The following CRPPA variants were observed in gnomAD, a reference collection of about 807,000 sequenced individuals.
CRPPA encodes the protein CDP-L-ribitol pyrophosphorylase A.
A neutral mutation model predicts 52.0 loss-of-function variants in CRPPA; 43 were observed. That is an observed-to-expected ratio of 0.83 (90% CI 0.65 to 1.07). CRPPA has a LOEUF of 1.07. CRPPA is among the 50% of genes least tolerant of loss of function. The pLI, the probability that CRPPA is intolerant of heterozygous loss-of-function variation, is 0.00. For synonymous variants in CRPPA, 250 were observed against 203.5 expected, an observed-to-expected ratio of 1.23 and a Z score of -1.94; for missense variants, 629 against 551.7, an observed-to-expected ratio of 1.14 and a Z score of -1.40.
intron 9 of CRPPA, among the ~76,000 whole-genome samples, chr7:16,153,802 CT>C (rs936303539): frequency 6.0e-5 from 9 of 149,460 alleles, no homozygotes; most frequent in Admixed American, 3.3e-4. Flanking sequence ...AAACTGTTCA[CT>C]TTTTTTTTTC....
intron 6 of CRPPA, among the ~76,000 whole-genome samples, chr7:16,268,302 T>C (rs1784005124): frequency 6.6e-6 from 1 of 152,140 alleles, no homozygotes; most frequent in Admixed American, 6.5e-5. Context: ...TCAGCTATAA[T>C]TTGTATGAAT....
chr7:16,190,302 G>A lies in CRPPA; in HGVS notation c.1251+25764C>T, dbSNP rs1781582160. Among the ~76,000 whole-genome samples, 5 of 152,262 alleles carry A rather than the reference G, an allele frequency of 3.3e-5. No individual in the cohort carries two copies. The South Asian group carries it at 1.0e-3, about 32-fold the overall frequency. ...TTTCAATTGCTAACTTTTAATAGAA[G>A]ACAGTTAACTTAAAAACATTGCTTT... On this transcript the variant is annotated intron_variant, in intron 9 of 9. Transcript: ENST00000407010.
At chr7:16,303,491 A>AAAAAAAAC (rs1784837188) in intron 4 of CRPPA, among the ~76,000 whole-genome samples, 3 of 124,934 alleles carry the variant, frequency 2.4e-5, no homozygotes, top group Admixed American at 9.9e-5. Context: ...AAAAAAAAAA[A>AAAAAAAAC]AAAAAAAAAA....
chr7:16,210,852 A>G (rs891444666), intron 9 of CRPPA, among the ~76,000 whole-genome samples: 1 of 152,190 alleles, frequency 6.6e-6, no homozygotes, highest in Non-Finnish European at 1.5e-5. Context: ...CAGAAAAAAA[A>G]AAAAGGAAAG....
intron 8 of CRPPA, among the ~76,000 whole-genome samples, chr7:16,229,624 T>C (rs76433522): frequency 0.022 from 3,384 of 152,240 alleles, 131 homozygotes; most frequent in African/African-American, 0.076. Flanking sequence ...GTTACTATTT[T>C]TAATAGGTTT....
intron 3 of CRPPA, among the ~76,000 whole-genome samples, chr7:16,328,296 T>C (rs909055059): frequency 1.3e-5 from 2 of 152,166 alleles, no homozygotes; most frequent in African/African-American, 4.8e-5. Context: ...ACCTGGACGT[T>C]TCATTACGCA....
At chr7:16,202,830 G>A (rs1227654823) in intron 9 of CRPPA, among the ~76,000 whole-genome samples, 1 of 152,182 alleles carries the variant, frequency 6.6e-6, no homozygotes, top group Non-Finnish European at 1.5e-5. Flanking sequence ...ATATGGTAGA[G>A]TAGTAGTTCT....
At chr7:16,280,277 C>G (rs769955646) in intron 5 of CRPPA, among the ~76,000 whole-genome samples, 3 of 152,174 alleles carry the variant, frequency 2.0e-5, no homozygotes, top group Non-Finnish European at 4.4e-5. Flanking sequence ...GTCTTGGACA[C>G]TAGAGTGTCC....
intron 2 of CRPPA, among the ~76,000 whole-genome samples, chr7:16,387,603 A>T (rs868073544): frequency 1.3e-5 from 2 of 151,740 alleles, no homozygotes; most frequent in Non-Finnish European, 2.9e-5. Flanking sequence ...ACAAGAGACA[A>T]CTATGATTCA....
intron 4 of CRPPA, among the ~76,000 whole-genome samples, chr7:16,307,475 A>G (rs1279712644): frequency 6.6e-6 from 1 of 151,972 alleles, no homozygotes; most frequent in Non-Finnish European, 1.5e-5. Flanking sequence ...TGAGGTCAGG[A>G]GTTCAAGACT....
chr7:16,223,968 C>G (rs1782585148), intron 8 of CRPPA, among the ~76,000 whole-genome samples: 1 of 152,112 alleles, frequency 6.6e-6, no homozygotes, highest in Non-Finnish European at 1.5e-5. Context: ...ACATTTCTAA[C>G]AGTTCTTTCT....
At chr7:16,399,469 G>C (rs1168779338) in intron 2 of CRPPA, among the ~76,000 whole-genome samples, 1 of 151,474 alleles carries the variant, frequency 6.6e-6, no homozygotes, top group Admixed American at 6.6e-5. Flanking sequence ...ATACGAGATT[G>C]ACAAGACGTT....
chr7:16,099,261 G>C (rs750300364), intron 9 of CRPPA, among the ~76,000 whole-genome samples: 4 of 147,260 alleles, frequency 2.7e-5, no homozygotes, highest in Non-Finnish European at 6.0e-5. Flanking sequence ...TCTTTAAAAA[G>C]AGGAGAGGGA....
intron 3 of CRPPA, among the ~76,000 whole-genome samples, chr7:16,351,918 C>T (rs774271049): frequency 1.2e-4 from 18 of 152,108 alleles, no homozygotes; most frequent in Non-Finnish European, 2.2e-4. Flanking sequence ...ACTGGATATA[C>T]ACTCAAAGGA....
At chr7:16,268,527 C>A (rs900094117) in intron 6 of CRPPA, among the ~76,000 whole-genome samples, 12 of 152,076 alleles carry the variant, frequency 7.9e-5, no homozygotes, top group Non-Finnish European at 8.8e-5. Context: ...ATACAACTTT[C>A]CCATTATGAC....
intron 2 of CRPPA, among the ~76,000 whole-genome samples, chr7:16,397,146 T>C (rs1310364802): frequency 6.6e-6 from 1 of 152,254 alleles, no homozygotes. Context: ...GATGCGTGTC[T>C]GACACATTAG....
chr7:16,293,904 G>A (rs1455836005), intron 5 of CRPPA, among the ~76,000 whole-genome samples: 2 of 151,868 alleles, frequency 1.3e-5, no homozygotes, highest in African/African-American at 4.8e-5. Context: ...ACATGTAAGT[G>A]GTATAGTCAA....
intron 9 of CRPPA, among the ~76,000 whole-genome samples, chr7:16,131,669 A>G (rs1211358898): frequency 2.6e-5 from 4 of 152,148 alleles, no homozygotes; most frequent in South Asian, 2.1e-4. Flanking sequence ...TGCAGCCTCA[A>G]CCTCCTGGGT....
At chr7:16,360,381 A>T (rs1169769661) in intron 3 of CRPPA, among the ~76,000 whole-genome samples, 1 of 152,208 alleles carries the variant, frequency 6.6e-6, no homozygotes, top group East Asian at 1.9e-4. Context: ...CAATTACATT[A>T]AGGAGTACTT....
Sources: gnomAD v4.1 joint callset for allele counts (sites outside exome capture counted in the v4.1 genomes callset) on GRCh38, gnomAD v4.1.1 for gene constraint, MANE v1.5 for transcripts, NCBI Gene and HGNC (gene_info 2026-07-23, HGNC 2026-07-21) for gene names.